LINGO1: variants seen among roughly 807,000 people sequenced by gnomAD.
The protein encoded by LINGO1 is leucine rich repeat and Ig domain containing 1.
LINGO1 carries 11 observed loss-of-function variants against 37.3 expected under a neutral mutation model. The observed-to-expected ratio is 0.29, with a 90% confidence interval of 0.19 to 0.49. LINGO1 has a LOEUF of 0.49. Among genes scored for constraint, LINGO1 ranks in the 20% least tolerant of loss-of-function variants. The pLI is 0.99. For synonymous variants in LINGO1, 387 were observed against 403.0 expected, an observed-to-expected ratio of 0.96 and a Z score of 0.48; for missense variants, 585 against 878.2, an observed-to-expected ratio of 0.67 and a Z score of 4.22.
chr15:77,749,954 G>A (rs985534503), intron 1 of LINGO1, among the ~76,000 whole-genome samples: 4 of 152,060 alleles, frequency 2.6e-5, no homozygotes, highest in African/African-American at 9.7e-5. Flanking sequence ...CTCAGGGTGG[G>A]GGTGGGGAGT....
At chr15:77,670,624 G>C (rs2075231611) in intron 3 of LINGO1, among the ~76,000 whole-genome samples, 1 of 152,250 alleles carries the variant, frequency 6.6e-6, no homozygotes, top group African/African-American at 2.4e-5. Flanking sequence ...CTCTGGTCCA[G>C]AGCCATGGCC....
chr15:77,732,957 C>T (rs1414561995), intron 2 of LINGO1, among the ~76,000 whole-genome samples: 9 of 152,342 alleles, frequency 5.9e-5, no homozygotes, highest in Admixed American at 2.6e-4. Context: ...CCACCGGCCA[C>T]GGCCGGCCTC....
chr15:77,644,773 GA>G (rs1207110384), intron 3 of LINGO1, among the ~76,000 whole-genome samples: 1 of 152,212 alleles, frequency 6.6e-6, no homozygotes, highest in Non-Finnish European at 1.5e-5. Flanking sequence ...CTGGGGCTAA[GA>G]GGGGTGAGGT....
chr15:77,764,855 A>G (rs2076512171), intron 1 of LINGO1, among the ~76,000 whole-genome samples: 1 of 152,214 alleles, frequency 6.6e-6, no homozygotes, highest in Non-Finnish European at 1.5e-5. Context: ...CAATGCTCAC[A>G]GCAGCCATGT....
chr15:77,715,217 G>C lies in LINGO1; in HGVS notation c.-195+19775C>G, dbSNP rs978934369. Among the ~76,000 whole-genome samples the C allele has an allele frequency of 2.2e-3, 335 of 152,292 alleles. 1 individual carries two copies. The highest frequency in any genetic ancestry group is 7.8e-3 in the African/African-American group (325 of 41,566). ...CTCTCCACCCCTTTCACACATCCATGGGGCGCTAGGAGGAAATGGGGCAGC... is the reference window on the plus strand; with the variant it reads ...CTCTCCACCCCTTTCACACATCCATCGGGCGCTAGGAGGAAATGGGGCAGC... On this transcript the variant is annotated intron_variant, in intron 2 of 3. Transcript: ENST00000561686.
chr15:77,776,192 T>TACC (rs1056704077), intron 1 of LINGO1, among the ~76,000 whole-genome samples: 106 of 151,364 alleles, frequency 7.0e-4, no homozygotes, highest in Middle Eastern at 3.4e-3. Context: ...CTGTAAATAT[T>TACC]ACGTCTTCCC....
intron 1 of LINGO1, among the ~76,000 whole-genome samples, chr15:77,741,702 G>T (rs1419037847): frequency 6.6e-6 from 1 of 152,220 alleles, no homozygotes; most frequent in Admixed American, 6.5e-5. Context: ...AGCTTCCCCA[G>T]TGCAGTCCCC....
intron 1 of LINGO1, among the ~76,000 whole-genome samples, chr15:77,810,232 A>G (rs1317159577): frequency 1.4e-5 from 2 of 142,674 alleles, no homozygotes; most frequent in Non-Finnish European, 3.1e-5. Context: ...AAACATACAC[A>G]CACACACACA....
At chr15:77,796,581 T>C (rs972907234) in intron 1 of LINGO1, among the ~76,000 whole-genome samples, 4 of 152,212 alleles carry the variant, frequency 2.6e-5, no homozygotes, top group African/African-American at 9.6e-5. Context: ...CCCCAGCCAG[T>C]TCCCAGGAGG....
intron 1 of LINGO1, among the ~76,000 whole-genome samples, chr15:77,771,507 A>G (rs2076585359): frequency 6.6e-6 from 1 of 152,022 alleles, no homozygotes; most frequent in African/African-American, 2.4e-5. Context: ...CTACAAAACC[A>G]AGGGTCTGAG....
chr15:77,642,412 G>C (rs532548690), intron 3 of LINGO1, among the ~76,000 whole-genome samples: 83 of 152,368 alleles, frequency 5.4e-4, no homozygotes, highest in African/African-American at 2.0e-3. Context: ...AGGATAGAAA[G>C]AACAGCTGGG....
chr15:77,628,842 G>A (rs1400005447), intron 1 of LINGO1, among the ~76,000 whole-genome samples: 1 of 152,198 alleles, frequency 6.6e-6, no homozygotes, highest in Non-Finnish European at 1.5e-5. Flanking sequence ...CTCACAGCAA[G>A]TCACTCGCCA....
chr15:77,773,529 C>A (rs2076606451), intron 1 of LINGO1, among the ~76,000 whole-genome samples: 1 of 152,090 alleles, frequency 6.6e-6, no homozygotes, highest in Non-Finnish European at 1.5e-5. Flanking sequence ...CCCTCCACCA[C>A]CCTGGAAGCC....
At chr15:77,748,368 T>C (rs2141361471) in intron 1 of LINGO1, among the ~76,000 whole-genome samples, 1 of 152,386 alleles carries the variant, frequency 6.6e-6, no homozygotes, top group Admixed American at 6.5e-5. Context: ...TGAGCCTCAG[T>C]TTCCCCATCT....
chr15:77,642,178 T>A (rs561141431), intron 3 of LINGO1, among the ~76,000 whole-genome samples: 371 of 152,322 alleles, frequency 2.4e-3, no homozygotes, highest in Non-Finnish European at 4.6e-3. Flanking sequence ...TCCGTCTGCC[T>A]GGCTGTTTAC....
At chr15:77,736,066 G>A (rs1468678198) in intron 1 of LINGO1, among the ~76,000 whole-genome samples, 1 of 152,180 alleles carries the variant, frequency 6.6e-6, no homozygotes. Context: ...CTTTTTAAGA[G>A]GTTCAAATAC....
chr15:77,760,197 G>A (rs889359350), intron 1 of LINGO1, among the ~76,000 whole-genome samples: 5 of 152,192 alleles, frequency 3.3e-5, no homozygotes, highest in East Asian at 3.9e-4. Context: ...GGTGCCTGCC[G>A]GGGTTGGGGT....
chr15:77,764,099 T>G (rs1004001419), intron 1 of LINGO1, among the ~76,000 whole-genome samples: 4 of 152,334 alleles, frequency 2.6e-5, no homozygotes, highest in African/African-American at 9.6e-5. Flanking sequence ...CACAGCACTT[T>G]GAAGCCTTGT....
At chr15:77,631,914 G>A (rs1472937432) in intron 1 of LINGO1, among the ~76,000 whole-genome samples, 1 of 152,114 alleles carries the variant, frequency 6.6e-6, no homozygotes, top group Admixed American at 6.5e-5. Context: ...GCTGGTGGGG[G>A]CTGCCTGGGG....
Sources: allele counts gnomAD v4.1 joint callset (sites outside exome capture counted in the v4.1 genomes callset), GRCh38; gene constraint gnomAD v4.1.1; transcripts MANE v1.5; gene names NCBI Gene and HGNC (gene_info 2026-07-23, HGNC 2026-07-21).